Variants in SLC29A3 observed in about 807,000 individuals in gnomAD.
SLC29A3 encodes solute carrier family 29 member 3.
A neutral mutation model predicts 25.4 loss-of-function variants in SLC29A3; 18 were observed. That is an observed-to-expected ratio of 0.71 (90% CI 0.49 to 1.05). The LOEUF is 1.05. Ranked by LOEUF, SLC29A3 falls within the 50% of genes least tolerant of loss-of-function variation. The probability of loss-of-function intolerance (pLI) is 0.00; values close to 1 mark genes in which losing one functional copy is unlikely to be tolerated. For synonymous variants in SLC29A3, 258 were observed against 267.1 expected, an observed-to-expected ratio of 0.97 and a Z score of 0.33; for missense variants, 586 against 609.0, an observed-to-expected ratio of 0.96 and a Z score of 0.40.
At chr10:71,319,393 C>CT in intron 1 of SLC29A3, 83 bp downstream of exon 1, 1 of 566,510 alleles carries the variant, frequency 1.8e-6, no homozygotes. Context: ...CTCCCGGGCC[C>CT]TGGGGGCGGC....
chr10:71,376,679 G>A (rs970040530), intron 4 of SLC29A3, among the ~76,000 whole-genome samples: 3 of 152,214 alleles, frequency 2.0e-5, no homozygotes, highest in Admixed American at 6.5e-5. Context: ...CTTGAGGATG[G>A]CCACCCAGGA....
At position 71,362,179 on chromosome 10, in the gene SLC29A3, C is replaced by T; in HGVS notation, c.999C>T (p.Leu333=). 1.2e-6 allele frequency: 2 copies of T among 1,614,120 alleles called. No individual in the cohort carries two copies. Among genetic ancestry groups the T allele is most frequent in the Non-Finnish European group, 1.7e-6 (2 of 1,179,998 alleles). The change falls in exon 6 of 6, where the codon CTC becomes CTT. Residue 333 remains leucine, a synonymous_variant. Coordinates refer to ENST00000373189, the MANE Select transcript of SLC29A3 (RefSeq NM_018344.6). ...YPAICTNIES[L]NKGSGSLWTT... ...CCATCTGCACCAACATCGAGTCCCT[C>T]AACAAGGGTTCGGGCTCACTGTGGA...
intron 4 of SLC29A3, among the ~76,000 whole-genome samples, chr10:71,379,514 G>T (rs35462186): frequency 0.035 from 5,314 of 152,280 alleles, 135 homozygotes; most frequent in Middle Eastern, 0.054. Flanking sequence ...TAATGAATCA[G>T]TTGTTTTTCT....
At chr10:71,363,690 C>T (rs145443284), downstream of SLC29A3, among the ~76,000 whole-genome samples, 66 of 152,106 alleles carry the variant, frequency 4.3e-4, no homozygotes, top group Middle Eastern at 0.014. Flanking sequence ...TCAGCCTGGT[C>T]TCAAATTCCT....
At chr10:71,341,776 G>A (rs965427766) in intron 2 of SLC29A3, among the ~76,000 whole-genome samples, 2 of 152,220 alleles carry the variant, frequency 1.3e-5, no homozygotes, top group African/African-American at 4.8e-5. Context: ...CAATCAGTCA[G>A]CCAGAGCTAC....
At chr10:71,376,475 C>G (rs1847252462) in intron 4 of SLC29A3, among the ~76,000 whole-genome samples, 1 of 152,306 alleles carries the variant, frequency 6.6e-6, no homozygotes, top group African/African-American at 2.4e-5. Flanking sequence ...CATGTAATAA[C>G]TATTATACCT....
At chr10:71,325,140 GGCC>G (rs1402531783) in intron 2 of SLC29A3, among the ~76,000 whole-genome samples, 1 of 152,166 alleles carries the variant, frequency 6.6e-6, no homozygotes. Context: ...ACCTTCCAGT[GGCC>G]CAGGAGGTGG....
intron 2 of SLC29A3, among the ~76,000 whole-genome samples, chr10:71,329,903 C>A (rs1238393366): frequency 6.6e-6 from 1 of 152,206 alleles, no homozygotes; most frequent in Non-Finnish European, 1.5e-5. Context: ...AGTTGTCAAA[C>A]CTGGCAGTGA....
Position 71,343,012 on chromosome 10 carries a change from C to T in SLC29A3, c.301-1197C>T, listed in dbSNP as rs1337746890. ...GTTATTTTTTAGAGATGGGGTCTCACTCTGTTGCCCAGGCTAAAGTGCAGT... is the reference window on the plus strand; with the variant it reads ...GTTATTTTTTAGAGATGGGGTCTCATTCTGTTGCCCAGGCTAAAGTGCAGT... On this transcript the variant is annotated intron_variant, in intron 2 of 5. Transcript: ENST00000373189. 2.0e-5 allele frequency among the ~76,000 whole-genome samples: 3 copies of T among 152,236 alleles called. No individual in the cohort carries two copies. The East Asian group carries it at 5.8e-4, about 29-fold the overall frequency.
In SLC29A3 at chr10:71,332,193, G is replaced by A. The variant is rs185827014; in HGVS notation, c.300+9139G>A. Among the ~76,000 whole-genome samples the A allele has an allele frequency of 5.7e-3, 830 of 145,890 alleles. 2 individuals are homozygous for A. Among genetic ancestry groups the A allele is most frequent in the Non-Finnish European group, 9.3e-3 (625 of 67,092 alleles). ...AGACACATTCTTATTGTATCGCCGA[G>A]GTTGGAGTGCAGTAGTGCGATCTTG... On this transcript the variant is annotated intron_variant, in intron 2 of 5. Coordinates refer to ENST00000373189, the MANE Select transcript of SLC29A3 (RefSeq NM_018344.6).
intron 4 of SLC29A3, among the ~76,000 whole-genome samples, chr10:71,353,889 G>C (rs772044043): frequency 6.6e-6 from 1 of 152,222 alleles, no homozygotes; most frequent in African/African-American, 2.4e-5. Context: ...GGCCTGGTTT[G>C]TTGTTGATGA....
chr10:71,355,427 A>G (rs1846876544), intron 4 of SLC29A3, among the ~76,000 whole-genome samples: 2 of 152,314 alleles, frequency 1.3e-5, no homozygotes, highest in Non-Finnish European at 2.9e-5. Context: ...TTGTGTGTGC[A>G]TGTAGGTGTA....
intron 4 of SLC29A3, among the ~76,000 whole-genome samples, chr10:71,353,823 G>A (rs7087714): frequency 0.03 from 4,508 of 152,220 alleles, 216 homozygotes; most frequent in African/African-American, 0.1. Flanking sequence ...TCATTTGCAT[G>A]TATTTCCATA....
At chr10:71,373,789 G>A (rs1021256018) in intron 3 of SLC29A3, among the ~76,000 whole-genome samples, 3 of 152,146 alleles carry the variant, frequency 2.0e-5, no homozygotes, top group African/African-American at 7.2e-5. Flanking sequence ...GAACCTATAA[G>A]GAAGGGCTGG....
intron 1 of SLC29A3, 82 bp downstream of exon 1, chr10:71,319,392 C>G (rs1845793481): frequency 1.7e-6 from 1 of 571,678 alleles, no homozygotes; most frequent in South Asian, 2.0e-5. Flanking sequence ...CCTCCCGGGC[C>G]CTGGGGGCGG....
intron 2 of SLC29A3, among the ~76,000 whole-genome samples, chr10:71,334,596 C>T (rs867771817): frequency 6.6e-6 from 1 of 152,326 alleles, no homozygotes; most frequent in Non-Finnish European, 1.5e-5. Flanking sequence ...CAACATCTAG[C>T]GAGCTCAGTA....
chr10:71,351,170 G>A (rs913172493), intron 3 of SLC29A3, among the ~76,000 whole-genome samples: 5 of 152,208 alleles, frequency 3.3e-5, no homozygotes, highest in African/African-American at 1.2e-4. Flanking sequence ...GGCAGGAAGA[G>A]CAGGGGTTTG....
chr10:71,379,466 T>A (rs1847286377), intron 4 of SLC29A3, among the ~76,000 whole-genome samples: 1 of 152,230 alleles, frequency 6.6e-6, no homozygotes. Context: ...TCTGCTTTAT[T>A]CCTTATATGA....
chr10:71,334,768 C>G (rs887219611), intron 2 of SLC29A3, among the ~76,000 whole-genome samples: 2 of 152,168 alleles, frequency 1.3e-5, no homozygotes, highest in Non-Finnish European at 2.9e-5. Context: ...CCCCCCATCC[C>G]CATTCATACT....
Sources: allele counts gnomAD v4.1 joint callset (sites outside exome capture counted in the v4.1 genomes callset), GRCh38; gene constraint gnomAD v4.1.1; transcripts MANE v1.5; gene names NCBI Gene and HGNC (gene_info 2026-07-23, HGNC 2026-07-21).